VPS13C: variants seen among roughly 807,000 people sequenced by gnomAD.
VPS13C encodes the protein intermembrane lipid transfer protein VPS13C.
Under a neutral mutation model 456.8 loss-of-function variants are expected in VPS13C, and 358 were observed. The observed-to-expected ratio is 0.78, with a 90% CI of 0.72 to 0.86. The LOEUF (loss-of-function observed/expected upper bound fraction) is 0.86. Ranked by LOEUF, VPS13C falls within the 40% of genes least tolerant of loss-of-function variation. The probability of loss-of-function intolerance (pLI) is 0.00; values close to 1 mark genes in which losing one functional copy is unlikely to be tolerated. For synonymous variants in VPS13C, 1,578 were observed against 1,486.7 expected (o/e 1.06, Z -1.41); for missense variants, 4,818 against 4,385.4 (o/e 1.10, Z -2.79).
chr15:61,922,122 T>G (rs1374486046), intron 54 of VPS13C, 89 bp from the exon 55 acceptor site: 25 of 1,368,308 alleles, frequency 1.8e-5, no homozygotes, highest in Non-Finnish European at 2.6e-5. Context: ...AAGTAATCAA[T>G]GTTATATATC....
intron 8 of VPS13C, among the ~76,000 whole-genome samples, chr15:62,022,136 T>C (rs545839499): frequency 6.6e-6 from 1 of 151,996 alleles, no homozygotes; most frequent in Admixed American, 6.6e-5. Context: ...TTCAATTCCT[T>C]TGGATATATA....
At chr15:61,876,856 G>A (rs545233916) in intron 75 of VPS13C, 117 bp downstream of exon 75, 36 of 661,656 alleles carry the variant, frequency 5.4e-5, no homozygotes, top group Admixed American at 2.7e-4. Context: ...CACTAAATAC[G>A]GAGATTTCAA....
At chr15:61,931,673 G>A (rs564523580) in intron 49 of VPS13C, among the ~76,000 whole-genome samples, 20 of 150,692 alleles carry the variant, frequency 1.3e-4, no homozygotes, top group African/African-American at 4.2e-4. Flanking sequence ...CACCTCCTGC[G>A]TTTAAGCAAT....
intron 60 of VPS13C, 80 bp downstream of exon 60, chr15:61,917,261 C>T: frequency 1.4e-6 from 2 of 1,433,178 alleles, no homozygotes; most frequent in Non-Finnish European, 1.9e-6. Context: ...AAACACTGAC[C>T]TCACTTAAAA....
In VPS13C at chr15:61,921,336, A is replaced by G. The variant is rs62009108; in HGVS notation, c.7062+611T>C. The stretch of plus-strand genomic sequence containing the variant: ...AGAAGTATGCTACGACAATTTCTTA[A>G]CAATATATGACTCAAGTTCCTTTTA... On this transcript the variant is annotated intron_variant, in intron 55 of 84. Transcript: ENST00000644861. Among the ~76,000 whole-genome samples, 540 of 152,244 alleles carry G rather than the reference A, an allele frequency of 3.5e-3. 2 individuals are homozygous for G. The highest frequency in any genetic ancestry group is 5.2e-3 in the Non-Finnish European group (353 of 67,960).
Position 61,856,321 on chromosome 15 carries a change from T to TA in VPS13C, c.11040dup (p.Ser3681Ter). The TA allele has an allele frequency of 6.2e-7, 1 of 1,613,330 alleles. No homozygotes were observed. Among genetic ancestry groups the TA allele is most frequent in the Non-Finnish European group, 8.5e-7 (1 of 1,179,538 alleles). On this transcript the variant is annotated frameshift_variant, in exon 83 of 85. Transcript: ENST00000644861. LOFTEE classifies it high-confidence loss of function. ...ATTTTTAGCACATTTTCACTGACAC[T>TA]AGGAGGAAATACAAAATCTTCAAAT... is the stretch of plus-strand genomic sequence containing the variant.
chr15:62,050,913 A>G (rs1007625606), intron 1 of VPS13C, among the ~76,000 whole-genome samples: 5 of 151,986 alleles, frequency 3.3e-5, no homozygotes, highest in African/African-American at 4.8e-5. Context: ...AGCAAATGAC[A>G]TGAAGAGTTG....
chr15:62,010,481 G>A lies in VPS13C; in HGVS notation c.1002C>T (p.Thr334=). ...TCCACATGAATCATACCTGAGGTTT[G>A]GTCAGTTCAATGGCAATATTTTGTA... ...IEIQNIAIEL[T]KPQYLSMIDL... Residue 334 remains threonine, a synonymous_variant, in exon 13 of 85, where the codon ACC becomes ACT. Coordinates refer to ENST00000644861, the MANE Select transcript of VPS13C (RefSeq NM_020821.3). 6.2e-7 allele frequency: 1 copy of A among 1,608,804 alleles called. No homozygotes were observed. The highest frequency in any genetic ancestry group is 8.5e-7 in the Non-Finnish European group (1 of 1,178,024).
intron 5 of VPS13C, among the ~76,000 whole-genome samples, chr15:62,028,705 T>C (rs1306187830): frequency 2.0e-5 from 3 of 152,046 alleles, no homozygotes; most frequent in Non-Finnish European, 4.4e-5. Context: ...CTCACTAAAA[T>C]TTTTGACAAG....
At chr15:61,907,814 G>GC (rs1269435878) in intron 65 of VPS13C, among the ~76,000 whole-genome samples, 2 of 152,106 alleles carry the variant, frequency 1.3e-5, no homozygotes, top group East Asian at 3.9e-4. Flanking sequence ...TCATTCACAG[G>GC]CAAGATCATA....
In VPS13C at chr15:61,973,532, C is replaced by T. The variant is rs1363109773; in HGVS notation, c.2539G>A (p.Val847Ile). Reference sequence around the variant, plus strand: ...CCTGAAATAATAGGAATTGAGGATACCTAGCAAAGAATACAAAAAGTTTTC... The same window carrying T: ...CCTGAAATAATAGGAATTGAGGATATCTAGCAAAGAATACAAAAAGTTTTC... ...KSSAQSPERQVSSIPIISGGT... is the reference protein window; with the variant it reads ...KSSAQSPERQISSIPIISGGT... Residue 847 changes from valine to isoleucine, a missense_variant and splice_region_variant, in exon 26 of 85, where the codon GTA (valine) becomes ATA (isoleucine). Around this residue, in one of 3 missense-constraint regions of VPS13C, gnomAD observed 4,552 missense variants for 4,130.6 expected, o/e 1.10. Transcript: ENST00000644861. 1 of 1,610,976 alleles carries T rather than the reference C, an allele frequency of 6.2e-7. No homozygotes were observed. Among genetic ancestry groups the T allele is most frequent in the Admixed American group, 1.7e-5 (1 of 59,944 alleles).
rs1894041356 is a variant in VPS13C at position 61,858,357 on chromosome 15, T to TCTATCTAC, written c.10953-1949_10953-1948insGTAGATAG. ...ATCTATCTATCTATCTATCTATCTATCTATCTGTCTATCTATCTCCCTCCC... is the reference window on the plus strand; with the variant it reads ...ATCTATCTATCTATCTATCTATCTATCTATCTACCTATCTGTCTATCTATCTCCCTCCC... On this transcript the variant is annotated intron_variant, in intron 82 of 84. Coordinates refer to ENST00000644861, the MANE Select transcript of VPS13C (RefSeq NM_020821.3). The surrounding 1 kb of genome is among the most constrained non-coding windows in gnomAD (Gnocchi z 4.4). 7.0e-6 allele frequency among the ~76,000 whole-genome samples: 1 copy of TCTATCTAC among 143,716 alleles called. No individual in the cohort carries two copies. Among genetic ancestry groups the TCTATCTAC allele is most frequent in the East Asian group, 2.0e-4 (1 of 4,886 alleles). 94.3% of individuals were successfully genotyped at this position (143,716 alleles called of 152,430 possible). A position where few individuals can be genotyped will look rare whatever the true frequency, so the allele number is the denominator to read the frequency against.
intron 51 of VPS13C, 121 bp from the exon 52 acceptor site, chr15:61,927,441 G>A (rs2043893283): frequency 1.4e-6 from 1 of 717,480 alleles, no homozygotes; most frequent in Admixed American, 2.9e-5. Context: ...TGGTGAAACT[G>A]ACAATATTAA....
At chr15:61,984,109 C>A in intron 19 of VPS13C, 97 bp from the exon 20 acceptor site, 2 of 1,082,294 alleles carry the variant, frequency 1.8e-6, no homozygotes, top group Non-Finnish European at 2.6e-6. Flanking sequence ...TCTTTGAGAA[C>A]CAGGACCATC....
chr15:61,935,216 T>TAA (rs1451560951), intron 48 of VPS13C, among the ~76,000 whole-genome samples: 1 of 152,208 alleles, frequency 6.6e-6, no homozygotes, highest in African/African-American at 2.4e-5. Context: ...GTCAGTCTTT[T>TAA]CTCTCATCTT....
chr15:61,963,417 C>T (rs932240756), intron 32 of VPS13C, among the ~76,000 whole-genome samples: 3 of 151,486 alleles, frequency 2.0e-5, no homozygotes, highest in Non-Finnish European at 4.4e-5. Context: ...GATTGCTTTT[C>T]ATAAGGAAAG....
intron 50 of VPS13C, among the ~76,000 whole-genome samples, chr15:61,930,102 G>C (rs1008555711): frequency 6.6e-6 from 1 of 152,132 alleles, no homozygotes; most frequent in African/African-American, 2.4e-5. Flanking sequence ...AATCAGTGTA[G>C]TCACACAAAA....
intron 16 of VPS13C, among the ~76,000 whole-genome samples, chr15:61,992,235 G>A (rs2046245151): frequency 6.6e-6 from 1 of 152,114 alleles, no homozygotes; most frequent in African/African-American, 2.4e-5. Context: ...TTGCTAACTA[G>A]GACAGTGGCA....
intron 37 of VPS13C, among the ~76,000 whole-genome samples, chr15:61,956,878 C>G (rs2045019753): frequency 6.6e-6 from 1 of 152,068 alleles, no homozygotes; most frequent in African/African-American, 2.4e-5. Flanking sequence ...AGTTGGAAAA[C>G]TGCTTGGTAT....
Sources: gnomAD v4.1 joint callset for allele counts (sites outside exome capture counted in the v4.1 genomes callset) on GRCh38, gnomAD v4.1.1 for gene constraint, gnomAD v4.1.1 regional missense constraint, Gnocchi (gnomAD v3.1) non-coding constraint, MANE v1.5 for transcripts, NCBI Gene and HGNC (gene_info 2026-07-23, HGNC 2026-07-21) for gene names.